The following TNS3 variants were observed in gnomAD, a reference collection of about 807,000 sequenced individuals.
The protein encoded by TNS3 is tensin-3.
TNS3 carries 45 observed loss-of-function variants against 140.9 expected under a neutral mutation model. The observed-to-expected ratio is 0.32, with a 90% confidence interval of 0.25 to 0.41. TNS3 has a LOEUF of 0.41. Among genes scored for constraint, TNS3 ranks in the 10% least tolerant of loss-of-function variants. The pLI is 1.00. For synonymous variants in TNS3, 815 were observed against 788.4 expected (o/e 1.03, Z -0.56); for missense variants, 1,716 against 1,906.7 (o/e 0.90, Z 1.86).
chr7:47,385,251 C>T (rs372171627), intron 16 of TNS3, among the ~76,000 whole-genome samples: 4 of 152,184 alleles, frequency 2.6e-5, no homozygotes, highest in African/African-American at 9.7e-5. Context: ...TCACAGCCGG[C>T]GACCAAGCCC....
At chr7:47,442,313 C>T (rs1040591739) in intron 4 of TNS3, among the ~76,000 whole-genome samples, 4 of 152,260 alleles carry the variant, frequency 2.6e-5, no homozygotes, top group Non-Finnish European at 5.9e-5. Flanking sequence ...ACCCTCCAGT[C>T]AGGGCAAGGT....
chr7:47,423,575 A>G (rs890554242), intron 10 of TNS3, among the ~76,000 whole-genome samples: 2 of 152,248 alleles, frequency 1.3e-5, no homozygotes, highest in Non-Finnish European at 2.9e-5. Flanking sequence ...GATGAGCTAC[A>G]AGAATTGGCC....
At chr7:47,448,965 C>T (rs1051400544) in intron 4 of TNS3, among the ~76,000 whole-genome samples, 2 of 152,160 alleles carry the variant, frequency 1.3e-5, no homozygotes, top group Non-Finnish European at 2.9e-5. Flanking sequence ...ATCTGTGGAG[C>T]GGGACAATGA....
chr7:47,542,696 TGAG>T (rs1799821746), intron 1 of TNS3, among the ~76,000 whole-genome samples: 1 of 152,018 alleles, frequency 6.6e-6, no homozygotes. Flanking sequence ...TTTGGGAGGC[TGAG>T]GAGGGCAGAT....
intron 2 of TNS3, among the ~76,000 whole-genome samples, chr7:47,512,535 AT>A (rs1798647159): frequency 6.6e-6 from 1 of 152,240 alleles, no homozygotes; most frequent in Non-Finnish European, 1.5e-5. Context: ...ACTATTTCAC[AT>A]GTGAGAGTTC....
chr7:47,470,212 G>A (rs1486781243), intron 4 of TNS3, among the ~76,000 whole-genome samples: 2 of 152,156 alleles, frequency 1.3e-5, no homozygotes, highest in African/African-American at 2.4e-5. Context: ...AACTGCCCAA[G>A]TGAGGAGAGT....
chr7:47,374,822 G>A (rs1584510312), intron 16 of TNS3, among the ~76,000 whole-genome samples: 1 of 152,338 alleles, frequency 6.6e-6, no homozygotes, highest in East Asian at 1.9e-4. Flanking sequence ...TCCCATTTGT[G>A]GTTCCTGGAC....
At chr7:47,327,299 G>A (rs542924083) in intron 20 of TNS3, among the ~76,000 whole-genome samples, 12 of 152,282 alleles carry the variant, frequency 7.9e-5, no homozygotes, top group Admixed American at 6.5e-4. Flanking sequence ...ACATGAACTC[G>A]TTTAGAAATA....
At chr7:47,335,635 C>G (rs1788592373) in intron 20 of TNS3, among the ~76,000 whole-genome samples, 1 of 152,182 alleles carries the variant, frequency 6.6e-6, no homozygotes. Flanking sequence ...CCCAGACTTA[C>G]AGTTGTCACT....
At chr7:47,389,849 G>A (rs1332470501) in intron 16 of TNS3, among the ~76,000 whole-genome samples, 4 of 152,254 alleles carry the variant, frequency 2.6e-5, no homozygotes, top group Non-Finnish European at 5.9e-5. Context: ...GATGCAGAGG[G>A]AGGAAATCTC....
At chr7:47,360,249 A>G (rs1034615745) in intron 17 of TNS3, among the ~76,000 whole-genome samples, 1 of 152,176 alleles carries the variant, frequency 6.6e-6, no homozygotes, top group Non-Finnish European at 1.5e-5. Context: ...TGACCTGTTC[A>G]TACCCACGGC....
chr7:47,329,003 C>A (rs1788183914), intron 20 of TNS3, among the ~76,000 whole-genome samples: 1 of 152,218 alleles, frequency 6.6e-6, no homozygotes, highest in African/African-American at 2.4e-5. Flanking sequence ...TGCTGAAAAA[C>A]TCCTATACAT....
chr7:47,463,083 G>A (rs1287142485), intron 4 of TNS3, among the ~76,000 whole-genome samples: 2 of 152,168 alleles, frequency 1.3e-5, no homozygotes, highest in Non-Finnish European at 2.9e-5. Context: ...CTGAGCTTCC[G>A]TCTCTAGGAG....
At chr7:47,340,585 C>CTTTTTTTTTTTTTTTTTTTTTTTTT (rs774726583) in intron 20 of TNS3, among the ~76,000 whole-genome samples, 5 of 134,856 alleles carry the variant, frequency 3.7e-5, no homozygotes, top group African/African-American at 1.4e-4. Flanking sequence ...TCTTTTTTTT[C>CTTTTTTTTTTTTTTTTTTTTTTTTT]TTTTTTTTTT....
intron 2 of TNS3, among the ~76,000 whole-genome samples, chr7:47,515,105 G>T (rs986675260): frequency 2.0e-5 from 3 of 152,146 alleles, no homozygotes; most frequent in Admixed American, 2.0e-4. Context: ...CTTACTTAAA[G>T]TTCCAAGAGT....
At chr7:47,279,127 T>TCTCCCCGCTTCTG (rs1191331827) in intron 30 of TNS3, 1 of 152,254 alleles carries the variant, frequency 6.6e-6, no homozygotes, top group East Asian at 1.9e-4. Flanking sequence ...CTCTTCTCCT[T>TCTCCCCGCTTCTG]CTCCCCGCTT....
intron 17 of TNS3, among the ~76,000 whole-genome samples, chr7:47,366,808 G>C (rs1790734028): frequency 6.6e-6 from 1 of 152,146 alleles, no homozygotes; most frequent in Non-Finnish European, 1.5e-5. Context: ...CTGCAGCCGG[G>C]GTGCTTAGGA....
At chr7:47,410,935 C>A (rs1793734020) in intron 13 of TNS3, among the ~76,000 whole-genome samples, 1 of 152,162 alleles carries the variant, frequency 6.6e-6, no homozygotes, top group Non-Finnish European at 1.5e-5. Flanking sequence ...TGGCTAATCT[C>A]CTCCAAGAAC....
intron 1 of TNS3, among the ~76,000 whole-genome samples, chr7:47,551,143 C>T (rs530898987): frequency 2.0e-5 from 3 of 152,348 alleles, no homozygotes; most frequent in East Asian, 1.9e-4. Flanking sequence ...AGCATCTCCT[C>T]GGAGTGCCCC....
Sources: gnomAD v4.1 joint callset for allele counts (sites outside exome capture counted in the v4.1 genomes callset) on GRCh38, gnomAD v4.1.1 for gene constraint, MANE v1.5 for transcripts, NCBI Gene and HGNC (gene_info 2026-07-23, HGNC 2026-07-21) for gene names.